The following KIAA1549L variants were observed in gnomAD, a reference collection of about 807,000 sequenced individuals.
The protein encoded by KIAA1549L is KIAA1549 like, also known as UPF0606 protein KIAA1549L.
A neutral mutation model predicts 160.7 loss-of-function variants in KIAA1549L; 88 were observed. The ratio of observed to expected loss-of-function variants is 0.55; its 90% CI spans 0.46 to 0.65. The LOEUF is 0.65. Ranked by LOEUF, KIAA1549L falls within the 30% of genes least tolerant of loss-of-function variation. KIAA1549L has a pLI of 0.00. For synonymous variants in KIAA1549L, 950 were observed against 976.7 expected (o/e 0.97, Z 0.51); for missense variants, 2,258 against 2,437.5 (o/e 0.93, Z 1.55).
intron 11 of KIAA1549L, among the ~76,000 whole-genome samples, chr11:33,586,422 A>G (rs1206237103): frequency 6.6e-6 from 1 of 152,190 alleles, no homozygotes; most frequent in Admixed American, 6.5e-5. Context: ...TGCAGGTAGA[A>G]TGGTGAAAAA....
At chr11:33,580,587 A>AAAAAGG (rs1554994228) in intron 10 of KIAA1549L, among the ~76,000 whole-genome samples, 45 of 127,572 alleles carry the variant, frequency 3.5e-4, no homozygotes, top group African/African-American at 1.7e-3. Context: ...AAAAAAAAAA[A>AAAAAGG]AAAAGAAAAG....
chr11:33,499,243 C>T (rs879712073), intron 1 of KIAA1549L, among the ~76,000 whole-genome samples: 7 of 152,156 alleles, frequency 4.6e-5, no homozygotes, highest in Non-Finnish European at 8.8e-5. Flanking sequence ...TCAAGTAAAT[C>T]GCTACCATCT....
At position 33,655,597 on chromosome 11, in the gene KIAA1549L, C is replaced by G. The variant is rs1852037084; in HGVS notation, c.5761-415C>G. Among the ~76,000 whole-genome samples, 6 of 152,084 alleles carry G rather than the reference C, an allele frequency of 3.9e-5. No homozygotes were observed. The South Asian group carries it at 1.2e-3, about 31-fold the overall frequency. ...TATTACACTCTAGTTGGTGGCAGAT[C>G]GTAAATAAACAAGCAACCATATAAA... On this transcript the variant is annotated intron_variant, in intron 17 of 20. Coordinates refer to ENST00000658780, the MANE Select transcript of KIAA1549L (RefSeq NM_012194.3).
chr11:33,490,822 C>A (rs1361870275), intron 1 of KIAA1549L, among the ~76,000 whole-genome samples: 1 of 152,184 alleles, frequency 6.6e-6, no homozygotes, highest in Non-Finnish European at 1.5e-5. Flanking sequence ...GGGATCTTAT[C>A]AAAATGCAGA....
rs11462981 is a variant in KIAA1549L at position 33,396,646 on chromosome 11, C to CTT, written c.238+19765_238+19766dup. On this transcript the variant is annotated intron_variant, in intron 1 of 20. Transcript: ENST00000658780. ...TTAACTTATCAATAGCATTAACTTT[C>CTT]TTTTTTTTTCTCTTTCATTTAAAAG... is the stretch of plus-strand genomic sequence containing the variant. 2.1e-3 allele frequency among the ~76,000 whole-genome samples: 319 copies of CTT among 150,586 alleles called. 2 individuals are homozygous for CTT. Among genetic ancestry groups the CTT allele is most frequent in the African/African-American group, 7.3e-3 (299 of 41,034 alleles).
intron 1 of KIAA1549L, among the ~76,000 whole-genome samples, chr11:33,395,762 G>C (rs1850361404): frequency 6.6e-6 from 1 of 151,938 alleles, no homozygotes; most frequent in Non-Finnish European, 1.5e-5. Context: ...AGTAAATTCT[G>C]ATTAAATTGG....
chr11:33,446,060 A>G (rs1299210243), intron 1 of KIAA1549L, among the ~76,000 whole-genome samples: 7 of 150,140 alleles, frequency 4.7e-5, no homozygotes, highest in Non-Finnish European at 4.4e-5. Flanking sequence ...TGCTGTAGGT[A>G]TTAGGGATTG....
At chr11:33,499,560 T>C (rs573959877) in intron 1 of KIAA1549L, among the ~76,000 whole-genome samples, 1 of 152,338 alleles carries the variant, frequency 6.6e-6, no homozygotes, top group East Asian at 1.9e-4. Context: ...GAATGGTATA[T>C]GCAGAGGCTC....
intron 1 of KIAA1549L, among the ~76,000 whole-genome samples, chr11:33,503,575 A>G (rs1483680769): frequency 2.0e-5 from 3 of 152,226 alleles, no homozygotes; most frequent in African/African-American, 7.2e-5. Flanking sequence ...TTTACCTCAA[A>G]GTTCTTTTAA....
intron 1 of KIAA1549L, among the ~76,000 whole-genome samples, chr11:33,497,419 T>C (rs542033455): frequency 1.3e-5 from 2 of 152,272 alleles, no homozygotes; most frequent in East Asian, 3.9e-4. Flanking sequence ...TTGCAGCCCA[T>C]AATAAAACTC....
At chr11:33,598,241 C>A (rs749680157) in intron 12 of KIAA1549L, among the ~76,000 whole-genome samples, 19 of 140,884 alleles carry the variant, frequency 1.3e-4, no homozygotes, top group Non-Finnish European at 2.6e-4. Context: ...AGAGTGAAGC[C>A]CCTAGTGATG....
chr11:33,421,154 G>A (rs1435718749), intron 1 of KIAA1549L, among the ~76,000 whole-genome samples: 1 of 148,368 alleles, frequency 6.7e-6, no homozygotes, highest in Non-Finnish European at 1.5e-5. Flanking sequence ...GGCACAGAAA[G>A]CCCTGCTTCA....
At chr11:33,655,525 C>A (rs1457257196) in intron 17 of KIAA1549L, among the ~76,000 whole-genome samples, 1 of 152,228 alleles carries the variant, frequency 6.6e-6, no homozygotes, top group African/African-American at 2.4e-5. Context: ...ATATACCAGG[C>A]ACTGTTCCAG....
At chr11:33,509,170 A>G (rs1346266571) in intron 1 of KIAA1549L, among the ~76,000 whole-genome samples, 1 of 152,190 alleles carries the variant, frequency 6.6e-6, no homozygotes, top group African/African-American at 2.4e-5. Context: ...TCTTCCCCAC[A>G]GTCTTTAAAG....
chr11:33,637,191 C>A (rs185003206), intron 16 of KIAA1549L, among the ~76,000 whole-genome samples: 1 of 152,320 alleles, frequency 6.6e-6, no homozygotes, highest in Non-Finnish European at 1.5e-5. Context: ...CTTTCCTTCA[C>A]TCTCACATCT....
Position 33,544,072 on chromosome 11 carries a change from C to T in KIAA1549L, c.2509C>T (p.Pro837Ser). 6.2e-7 allele frequency: 1 copy of T among 1,614,010 alleles called. No individual in the cohort carries two copies. ...CGTGTCTCATCCTCAGCTACAGTTG[C>T]CCAACCAGCCAGCACATCCTCTTTT... is the stretch of plus-strand genomic sequence containing the variant. ...HSVSHPQLQL[P>S]NQPAHPLLLT... Residue 837 changes from proline to serine, a missense_variant, in exon 2 of 21, where the codon CCC becomes TCC. By Grantham distance (74) the Pro-to-Ser change is moderately conservative. Transcript: ENST00000658780.
chr11:33,673,070 T>C lies in KIAA1549L; in HGVS notation c.*4916T>C, dbSNP rs910237635. On this transcript the variant is annotated 3_prime_UTR_variant, in exon 21 of 21. Transcript: ENST00000658780. ...TCTTAGGTGAACTGTTACAGAATCCTAGCCTGTGGTAAATGCTAAAATGTA... is the reference window on the plus strand; with the variant it reads ...TCTTAGGTGAACTGTTACAGAATCCCAGCCTGTGGTAAATGCTAAAATGTA... The C allele has an allele frequency of 6.6e-6, 1 of 152,226 alleles. No individual in the cohort carries two copies. Among genetic ancestry groups the C allele is most frequent in the Admixed American group, 6.5e-5 (1 of 15,280 alleles). 9.4% of individuals were successfully genotyped at this position (152,226 alleles called of 1,614,324 possible). A position where few individuals can be genotyped will look rare whatever the true frequency, so the allele number is the denominator to read the frequency against.
chr11:33,614,531 G>T lies in KIAA1549L; in HGVS notation c.5280-4002G>T, dbSNP rs1448634938. ...CTCTTGGGATCTGTGAGTGTAACAA[G>T]ATATATATATATATATATATATATA... On this transcript the variant is annotated intron_variant, in intron 15 of 20. Transcript: ENST00000658780. 3.1e-3 allele frequency among the ~76,000 whole-genome samples: 83 copies of T among 27,102 alleles called. 5 individuals carry two copies. The highest frequency in any genetic ancestry group is 4.3e-3 in the Non-Finnish European group (65 of 15,150). The allele number at this position is 27,102 out of a possible 152,430, so 17.8% of individuals were successfully genotyped here.
intron 1 of KIAA1549L, among the ~76,000 whole-genome samples, chr11:33,444,904 G>C (rs1432837775): frequency 1.3e-5 from 2 of 152,174 alleles, no homozygotes; most frequent in African/African-American, 2.4e-5. Flanking sequence ...ATAGCTCTCT[G>C]TACTCTCTTC....
Sources: gnomAD v4.1 joint callset for allele counts (sites outside exome capture counted in the v4.1 genomes callset) on GRCh38, gnomAD v4.1.1 for gene constraint, MANE v1.5 for transcripts, NCBI Gene and HGNC (gene_info 2026-07-23, HGNC 2026-07-21) for gene names.